The following TBCA variants were observed in gnomAD, a reference collection of about 807,000 sequenced individuals.
TBCA encodes the protein tubulin-specific chaperone A.
A neutral mutation model predicts 15.8 loss-of-function variants in TBCA; 6 were observed. The observed-to-expected ratio is 0.38, with a 90% CI of 0.21 to 0.75. The LOEUF is 0.75. Among genes scored for constraint, TBCA ranks in the 30% least tolerant of loss-of-function variants. TBCA has a pLI of 0.46. For synonymous variants in TBCA, 32 were observed against 42.3 expected, an observed-to-expected ratio of 0.76 and a Z score of 0.94; for missense variants, 90 against 131.2, an observed-to-expected ratio of 0.69 and a Z score of 1.53.
intron 1 of TBCA, among the ~76,000 whole-genome samples, chr5:77,741,310 C>A (rs1161009151): frequency 6.6e-6 from 1 of 152,090 alleles, no homozygotes; most frequent in East Asian, 1.9e-4. Flanking sequence ...TGAGAAGAAA[C>A]TGGTAGAGGT....
intron 1 of TBCA, among the ~76,000 whole-genome samples, chr5:77,763,852 C>G (rs1747711136): frequency 6.6e-6 from 1 of 152,208 alleles, no homozygotes; most frequent in South Asian, 2.1e-4. Context: ...GATGAATACT[C>G]ACATACTTAT....
intron 1 of TBCA, among the ~76,000 whole-genome samples, chr5:77,764,747 C>T (rs933768789): frequency 2.1e-4 from 32 of 150,688 alleles, no homozygotes; most frequent in African/African-American, 7.6e-4. Flanking sequence ...TATTACAGTG[C>T]TTTCTTATCT....
rs183493224 is a variant in TBCA, at chr5:77,708,663, G to A, written c.54-316C>T. The A allele has an allele frequency of 5.2e-3, 829 of 160,440 alleles. 1 individual carries two copies. Among genetic ancestry groups the A allele is most frequent in the African/African-American group, 0.018 (769 of 41,598 alleles). The allele number at this position is 160,440 out of a possible 1,614,324, so 9.9% of individuals were successfully genotyped here. A position where few individuals can be genotyped will look rare whatever the true frequency, so the allele number is the denominator to read the frequency against. On this transcript the variant is annotated intron_variant, in intron 1 of 3. Coordinates refer to ENST00000380377, the MANE Select transcript of TBCA (RefSeq NM_004607.3). ...TGGCTCACTGCAAGCTCTGCCTCCC[G>A]GGTTCATGCCATTCTCCTGCCTCAG...
rs78954111 is a variant in TBCA at position 77,749,303 on chromosome 5, T to C, written c.53+26902A>G. Among the ~76,000 whole-genome samples the C allele has an allele frequency of 9.1e-3, 1,393 of 152,374 alleles. 13 individuals are homozygous for C. Among genetic ancestry groups the C allele is most frequent in the Middle Eastern group, 0.048 (14 of 294 alleles). On this transcript the variant is annotated intron_variant, in intron 1 of 3. Transcript: ENST00000380377. ...ACAAAATTATTACAGTAGTACAGCATGGACTACAGTTATTATATGCGTAAT... is the reference window on the plus strand; with the variant it reads ...ACAAAATTATTACAGTAGTACAGCACGGACTACAGTTATTATATGCGTAAT...
intron 1 of TBCA, among the ~76,000 whole-genome samples, chr5:77,728,358 GTTA>G (rs754338573): frequency 1.3e-5 from 2 of 152,122 alleles, no homozygotes; most frequent in Admixed American, 6.5e-5. Context: ...ATTCAGAACA[GTTA>G]TTCTTTCTTT....
chr5:77,714,988 G>C (rs185035138), intron 1 of TBCA, among the ~76,000 whole-genome samples: 42 of 152,304 alleles, frequency 2.8e-4, no homozygotes, highest in African/African-American at 9.6e-4. Flanking sequence ...AATTAAATAA[G>C]CAAAATATGT....
chr5:77,700,083 CAG>C (rs1001925605), intron 2 of TBCA, among the ~76,000 whole-genome samples: 1 of 149,358 alleles, frequency 6.7e-6, no homozygotes, highest in Non-Finnish European at 1.5e-5. Context: ...TGCATGCCTG[CAG>C]TCCCAGCTAC....
At chr5:77,741,786 A>G (rs1747038554) in intron 1 of TBCA, among the ~76,000 whole-genome samples, 1 of 152,030 alleles carries the variant, frequency 6.6e-6, no homozygotes, top group African/African-American at 2.4e-5. Context: ...CCTTGGCTCA[A>G]TTTCATTTGG....
At chr5:77,727,451 T>C (rs760577391) in intron 1 of TBCA, among the ~76,000 whole-genome samples, 135 of 152,146 alleles carry the variant, frequency 8.9e-4, no homozygotes, top group Non-Finnish European at 1.6e-3. Flanking sequence ...GGAGCTGTGT[T>C]GTTATTTCTT....
At chr5:77,703,441 C>T (rs1368776798) in intron 2 of TBCA, among the ~76,000 whole-genome samples, 2 of 152,080 alleles carry the variant, frequency 1.3e-5, no homozygotes, top group Non-Finnish European at 2.9e-5. Flanking sequence ...AGGCTAAAAT[C>T]AATTTGGGCA....
intron 1 of TBCA, among the ~76,000 whole-genome samples, chr5:77,718,093 G>C (rs1288412353): frequency 6.6e-6 from 1 of 151,260 alleles, no homozygotes; most frequent in East Asian, 1.9e-4. Context: ...TCGCACAACT[G>C]CACTCCAGCC....
chr5:77,731,222 T>C (rs1031930195), intron 1 of TBCA, among the ~76,000 whole-genome samples: 5 of 152,208 alleles, frequency 3.3e-5, no homozygotes, highest in African/African-American at 7.2e-5. Flanking sequence ...TCTATGCCCA[T>C]TGTATAGGTG....
intron 1 of TBCA, among the ~76,000 whole-genome samples, chr5:77,723,618 T>C (rs1437841807): frequency 6.6e-6 from 1 of 151,954 alleles, no homozygotes; most frequent in Non-Finnish European, 1.5e-5. Context: ...AAATTGAGAA[T>C]GGCCTTAAAA....
chr5:77,761,978 C>A (rs1747653433), intron 1 of TBCA, among the ~76,000 whole-genome samples: 1 of 152,158 alleles, frequency 6.6e-6, no homozygotes, highest in Non-Finnish European at 1.5e-5. Flanking sequence ...ATCACATGAC[C>A]ATGCAGAATC....
intron 1 of TBCA, among the ~76,000 whole-genome samples, chr5:77,737,785 T>A (rs1040245732): frequency 1.3e-5 from 2 of 151,682 alleles, no homozygotes; most frequent in Non-Finnish European, 2.9e-5. Context: ...AAAAGTTGGC[T>A]TTTTCAGGTC....
chr5:77,727,456 T>C (rs1311903584), intron 1 of TBCA, among the ~76,000 whole-genome samples: 1 of 152,150 alleles, frequency 6.6e-6, no homozygotes, highest in Non-Finnish European at 1.5e-5. Context: ...TGTGTTGTTA[T>C]TTCTTTTTAA....
Position 77,731,556 on chromosome 5 carries a change from C to T in TBCA, c.54-23209G>A, listed in dbSNP as rs140843966. Among the ~76,000 whole-genome samples, 1,195 of 152,176 alleles carry T rather than the reference C, an allele frequency of 7.9e-3. 19 individuals carry two copies. Among genetic ancestry groups the T allele is most frequent in the African/African-American group, 0.027 (1,114 of 41,524 alleles). ...GTAAATTTCCTGATTATATTCTTTCCCATTTTTATGTTGCAGTGTTCATCT... is the reference window on the plus strand; with the variant it reads ...GTAAATTTCCTGATTATATTCTTTCTCATTTTTATGTTGCAGTGTTCATCT... On this transcript the variant is annotated intron_variant, in intron 1 of 3. Transcript: ENST00000380377.
chr5:77,761,116 G>C (rs1441880501), intron 1 of TBCA, among the ~76,000 whole-genome samples: 7 of 152,142 alleles, frequency 4.6e-5, no homozygotes, highest in Non-Finnish European at 8.8e-5. Flanking sequence ...CCTTTCTGCA[G>C]GTGTACCCAA....
chr5:77,694,624 C>CA (rs796730357), intron 2 of TBCA, among the ~76,000 whole-genome samples: 88 of 151,892 alleles, frequency 5.8e-4, no homozygotes, highest in African/African-American at 1.9e-3. Flanking sequence ...CATTTATTTC[C>CA]AAAAAAACAA....
Sources: allele counts gnomAD v4.1 joint callset (sites outside exome capture counted in the v4.1 genomes callset), GRCh38; gene constraint gnomAD v4.1.1; transcripts MANE v1.5; gene names NCBI Gene and HGNC (gene_info 2026-07-23, HGNC 2026-07-21).